Variants in CTR9 observed in about 807,000 individuals in gnomAD.
CTR9 encodes the protein CTR9 component of Paf1/RNA polymerase II complex.
In CTR9, 41 loss-of-function variants were observed where a neutral mutation model predicts 152.1. That is an observed-to-expected ratio of 0.27 (90% CI 0.21 to 0.35). The LOEUF is 0.35. CTR9 is among the 10% of genes least tolerant of loss of function. CTR9 has a pLI of 1.00. For missense variants in CTR9, 917 were observed against 1,424.4 expected (o/e 0.64, Z 5.73); for synonymous variants, 476 against 496.2 (o/e 0.96, Z 0.54).
chr11:10,769,986 C>A (rs1410978673), intron 16 of CTR9, among the ~76,000 whole-genome samples: 1 of 152,162 alleles, frequency 6.6e-6, no homozygotes, highest in Admixed American at 6.5e-5. Flanking sequence ...TGGAAAGAAA[C>A]CATTTCAAGC....
chr11:10,774,364 T>C (rs966896839), intron 22 of CTR9, 195 bp downstream of exon 22: 17 of 502,906 alleles, frequency 3.4e-5, no homozygotes, highest in Non-Finnish European at 4.8e-5. Context: ...TTTCCATACG[T>C]CTCCACAGCT....
In CTR9 at chr11:10,760,233, G is replaced by T. The variant is rs774569861; in HGVS notation, c.653G>T (p.Arg218Leu). 3 of 1,614,052 alleles carry T rather than the reference G, an allele frequency of 1.9e-6. No individual in the cohort carries two copies. The highest frequency in any genetic ancestry group is 1.1e-5 in the South Asian group (1 of 91,070). ...AAACTTAACAAACTGGAAAAAGCTCGTCTGGCATTCAGCAGAGCCCTGGAA... is the reference window on the plus strand; with the variant it reads ...AAACTTAACAAACTGGAAAAAGCTCTTCTGGCATTCAGCAGAGCCCTGGAA... ...FVKLNKLEKA[R>L]LAFSRALELN... The change falls in exon 6 of 25, where the codon CGT becomes CTT. Residue 218 changes from arginine (R) to leucine (L), a missense_variant. Arg to Leu is a moderately radical substitution (Grantham distance 102). Transcript: ENST00000361367.
At chr11:10,751,509 C>A (rs760425229) in intron 1 of CTR9, 52 bp downstream of exon 1, 2 of 1,564,850 alleles carry the variant, frequency 1.3e-6, no homozygotes, top group South Asian at 2.2e-5. Flanking sequence ...TACGATCGCC[C>A]CCACCGACTT....
At position 10,774,048 on chromosome 11, in the gene CTR9, A is replaced by G. The variant is rs1164866772; in HGVS notation, c.2764A>G (p.Asn922Asp). Residue 922 changes from asparagine (N) to aspartate (D), a missense_variant, in exon 22 of 25, where the codon AAT (asparagine) becomes GAT (aspartate). Physicochemically the swap from Asn to Asp is conservative, Grantham distance 23 (BLOSUM62 1). Around this residue, in one of 9 missense-constraint regions of CTR9, gnomAD observed 384 missense variants for 398.4 expected, o/e 0.96. Coordinates refer to ENST00000361367, the MANE Select transcript of CTR9 (RefSeq NM_014633.5). ...GGGAGGAGAGTTTGATGAATTTGTC[A>G]ATGATGACACTGATGATGACCTACC... ...KKGGEFDEFV[N>D]DDTDDDLPIS... 3.7e-6 allele frequency: 6 copies of G among 1,613,116 alleles called. No individual in the cohort carries two copies. The highest frequency in any genetic ancestry group is 3.3e-5 in the Admixed American group (2 of 59,854).
intron 2 of CTR9, 30 bp from the exon 3 acceptor site, chr11:10,754,928 G>A (rs754714441): frequency 3.1e-6 from 5 of 1,601,384 alleles, no homozygotes; most frequent in Non-Finnish European, 4.3e-6. Context: ...ATATGCTTTA[G>A]TGATTCTAAT....
intron 12 of CTR9, 70 bp downstream of exon 12, chr11:10,764,801 GAA>G (rs768362869): frequency 3.9e-5 from 53 of 1,370,080 alleles, no homozygotes; most frequent in Non-Finnish European, 4.4e-5. Flanking sequence ...AATTTAGCCT[GAA>G]AAAAATTTAG....
chr11:10,778,818 C>A lies in CTR9; in HGVS notation c.3235C>A (p.Gln1079Lys), dbSNP rs780712694. ...CGGCAGTCCCCGGAGGCCACGAAGACAGCGGTCAGATCAGGACTCAGACAG... is the reference window on the plus strand; with the variant it reads ...CGGCAGTCCCCGGAGGCCACGAAGAAAGCGGTCAGATCAGGACTCAGACAG... Reference protein sequence around the residue: ...EAGSPRRPRRQRSDQDSDSDQ... With the variant: ...EAGSPRRPRRKRSDQDSDSDQ... The change falls in exon 25 of 25, where the codon CAG (glutamine) becomes AAG (lysine). Residue 1079 changes from glutamine (Q) to lysine (K), a missense_variant. Transcript: ENST00000361367. 1 of 1,614,226 alleles carries A rather than the reference C, an allele frequency of 6.2e-7. No homozygotes were observed. The highest frequency in any genetic ancestry group is 8.5e-7 in the Non-Finnish European group (1 of 1,180,042).
chr11:10,772,279 C>T (rs1050189282), intron 19 of CTR9, among the ~76,000 whole-genome samples: 9 of 151,838 alleles, frequency 5.9e-5, no homozygotes, highest in East Asian at 3.9e-4. Flanking sequence ...CACTTAAACC[C>T]GGAGGCGGAG....
At chr11:10,772,704 C>T in intron 20 of CTR9, 49 bp downstream of exon 20, 1 of 1,504,034 alleles carries the variant, frequency 6.6e-7, no homozygotes, top group Non-Finnish European at 8.9e-7. Context: ...TGTGTGCATG[C>T]ATACACTTTG....
intron 5 of CTR9, among the ~76,000 whole-genome samples, chr11:10,758,968 G>T (rs1023990135): frequency 1.3e-5 from 2 of 152,084 alleles, no homozygotes; most frequent in African/African-American, 4.8e-5. Flanking sequence ...CTTTTCTGGT[G>T]GCCATTCTTA....
chr11:10,778,432 T>C (rs1179297754), intron 24 of CTR9, among the ~76,000 whole-genome samples: 1 of 152,206 alleles, frequency 6.6e-6, no homozygotes, highest in East Asian at 1.9e-4. Context: ...CATCCCTGTT[T>C]ATATTTTGAC....
Position 10,773,257 on chromosome 11 carries a change from G to T in CTR9, c.2711G>T (p.Gly904Val). 6.2e-7 allele frequency: 1 copy of T among 1,611,498 alleles called. No individual in the cohort carries two copies. The highest frequency in any genetic ancestry group is 8.5e-7 in the Non-Finnish European group (1 of 1,179,286). The change falls in exon 21 of 25, where the codon GGT becomes GTT. Residue 904 changes from glycine to valine, a missense_variant. By Grantham distance (109) the Gly-to-Val change is moderately radical. Coordinates refer to ENST00000361367, the MANE Select transcript of CTR9 (RefSeq NM_014633.5). The stretch of plus-strand genomic sequence containing the variant: ...GAAGCAACAAAAGAGAAGAAAAGAG[G>T]TGGTGGTGGTGGACGGGTAAGATAT... ...ETEATKEKKR[G>V]GGGGRRSKKG...
chr11:10,754,447 C>T (rs577920189), intron 2 of CTR9, among the ~76,000 whole-genome samples: 4 of 152,226 alleles, frequency 2.6e-5, no homozygotes, highest in Admixed American at 2.6e-4. Flanking sequence ...ATAAACTGCA[C>T]ATATTTGACA....
chr11:10,754,811 A>G, intron 2 of CTR9, 147 bp from the exon 3 acceptor site: 1 of 742,372 alleles, frequency 1.3e-6, no homozygotes, highest in Non-Finnish European at 2.1e-6. Flanking sequence ...GATACACCAC[A>G]GCTTGTTTAT....
chr11:10,759,371 C>G (rs905259034), intron 5 of CTR9, among the ~76,000 whole-genome samples: 3 of 152,174 alleles, frequency 2.0e-5, no homozygotes, highest in South Asian at 4.1e-4. Context: ...CAGAATTGAT[C>G]ATTGGATTTA....
chr11:10,766,303 G>A (rs1351776253), intron 12 of CTR9, 99 bp from the exon 13 acceptor site: 5 of 810,338 alleles, frequency 6.2e-6, no homozygotes, highest in African/African-American at 3.6e-5. Context: ...CTTTTATGGC[G>A]GTATTAATGA....
chr11:10,760,345 A>G, intron 6 of CTR9, 24 bp downstream of exon 6: 2 of 1,601,546 alleles, frequency 1.2e-6, no homozygotes, highest in Non-Finnish European at 1.7e-6. Context: ...AAAAGTATCT[A>G]GCTCCTAACT....
intron 2 of CTR9, among the ~76,000 whole-genome samples, chr11:10,753,318 A>G (rs571438184): frequency 1.6e-4 from 24 of 152,294 alleles, no homozygotes; most frequent in African/African-American, 3.4e-4. Flanking sequence ...CTAAAATTCT[A>G]TATCCTCTAC....
intron 21 of CTR9, 77 bp from the exon 22 acceptor site, chr11:10,773,935 C>A: frequency 1.1e-6 from 1 of 934,696 alleles, no homozygotes; most frequent in Non-Finnish European, 1.6e-6. Flanking sequence ...TGGATATGGC[C>A]CCTTTCTGTA....
Sources: gnomAD v4.1 joint callset for allele counts (sites outside exome capture counted in the v4.1 genomes callset) on GRCh38, gnomAD v4.1.1 for gene constraint, gnomAD v4.1.1 regional missense constraint, MANE v1.5 for transcripts, NCBI Gene and HGNC (gene_info 2026-07-23, HGNC 2026-07-21) for gene names.